KIAA1217: variants seen among roughly 807,000 people sequenced by gnomAD.
KIAA1217 encodes the protein KIAA1217, also known as sickle tail protein homolog.
KIAA1217 carries 88 observed loss-of-function variants against 163.9 expected under a neutral mutation model. That is an observed-to-expected ratio of 0.54 (90% CI 0.45 to 0.64). The LOEUF (loss-of-function observed/expected upper bound fraction) is 0.64, where lower values mean the gene tolerates loss of function less well. KIAA1217 is among the 30% of genes least tolerant of loss of function. The probability of loss-of-function intolerance (pLI) is 0.00; values close to 1 mark genes in which losing one functional copy is unlikely to be tolerated. For synonymous variants in KIAA1217, 903 were observed against 923.1 expected (o/e 0.98, Z 0.39); for missense variants, 2,372 against 2,475.0 (o/e 0.96, Z 0.88).
rs528842045 is a variant in KIAA1217 at position 24,105,877 on chromosome 10, G to C, written c.-171+98503G>C. 2.4e-3 allele frequency among the ~76,000 whole-genome samples: 368 copies of C among 152,302 alleles called. 1 individual carries two copies. Among genetic ancestry groups the C allele is most frequent in the Non-Finnish European group, 4.0e-3 (269 of 68,026 alleles). The stretch of plus-strand genomic sequence containing the variant: ...GAAACTTCCCCTGAGTGGAGCCTTG[G>C]GGGAGGAAAGTACTTGGGCTGTGCA... On this transcript the variant is annotated intron_variant, in intron 2 of 18. Transcript: ENST00000376462.
At chr10:24,511,987 A>C (rs1369378676) in intron 9 of KIAA1217, among the ~76,000 whole-genome samples, 1 of 152,186 alleles carries the variant, frequency 6.6e-6, no homozygotes, top group Non-Finnish European at 1.5e-5. Context: ...ACAGAGGTGA[A>C]TAGCTTGCCC....
intron 1 of KIAA1217, among the ~76,000 whole-genome samples, chr10:23,799,710 C>T (rs1319399915): frequency 1.3e-5 from 2 of 152,200 alleles, no homozygotes; most frequent in African/African-American, 4.8e-5. Flanking sequence ...CACTCTTGTA[C>T]ACAAGCCCAC....
chr10:23,811,796 CAG>C (rs908427332), intron 1 of KIAA1217, among the ~76,000 whole-genome samples: 2 of 152,106 alleles, frequency 1.3e-5, no homozygotes, highest in African/African-American at 4.8e-5. Context: ...TGAGCAGACT[CAG>C]GGGATTCTCA....
chr10:24,546,359 A>C lies in KIAA1217; in HGVS notation c.*35A>C. The C allele has an allele frequency of 6.5e-7, 1 of 1,535,590 alleles. No homozygotes were observed. Among genetic ancestry groups the C allele is most frequent in the Non-Finnish European group, 8.7e-7 (1 of 1,143,510 alleles). On this transcript the variant is annotated 3_prime_UTR_variant, in exon 21 of 21. Coordinates refer to ENST00000376454, the MANE Select transcript of KIAA1217 (RefSeq NM_019590.5). ...CCTATTAGGCACAAGTCGGAGTTAC[A>C]TTTAAAAAAAATTAACAGTCTACAA... is the stretch of plus-strand genomic sequence containing the variant.
chr10:24,337,177 C>A lies in KIAA1217; in HGVS notation c.355-43692C>A, dbSNP rs542666704. Among the ~76,000 whole-genome samples, 7 of 152,306 alleles carry A rather than the reference C, an allele frequency of 4.6e-5. No individual in the cohort carries two copies. In the South Asian group the frequency reaches 1.4e-3, roughly 32 times the overall value. On this transcript the variant is annotated intron_variant, in intron 2 of 20. Transcript: ENST00000376454. The stretch of plus-strand genomic sequence containing the variant: ...AATCGTACACCTGATAAGGGATTTA[C>A]ATTCAGAAGGTATTTTTAAACTCCT...
intron 2 of KIAA1217, among the ~76,000 whole-genome samples, chr10:24,153,843 C>G (rs943912899): frequency 6.6e-6 from 1 of 152,108 alleles, no homozygotes; most frequent in Non-Finnish European, 1.5e-5. Context: ...ATAATTCCCC[C>G]GGGCTTATGC....
chr10:23,988,359 A>G (rs1259576049), intron 1 of KIAA1217, among the ~76,000 whole-genome samples: 1 of 152,244 alleles, frequency 6.6e-6, no homozygotes, highest in Non-Finnish European at 1.5e-5. Context: ...AACTATAATT[A>G]TAACCAATAG....
intron 11 of KIAA1217, among the ~76,000 whole-genome samples, chr10:24,520,655 T>TAC (rs2071048816): frequency 1.2e-5 from 1 of 82,114 alleles, no homozygotes; most frequent in Non-Finnish European, 2.2e-5. Context: ...AAAAAAAATA[T>TAC]ATATATATAT....
chr10:24,290,892 G>C (rs147079103), intron 2 of KIAA1217, among the ~76,000 whole-genome samples: 1 of 152,018 alleles, frequency 6.6e-6, no homozygotes, highest in Non-Finnish European at 1.5e-5. Flanking sequence ...ATGATCCACC[G>C]TGCCTGGCCA....
intron 1 of KIAA1217, among the ~76,000 whole-genome samples, chr10:23,740,064 A>T (rs1023358164): frequency 1.4e-4 from 17 of 119,360 alleles, no homozygotes; most frequent in African/African-American, 7.7e-4. Flanking sequence ...TAAATTTGAG[A>T]TGCCTATGTA....
At chr10:23,822,472 A>G (rs1837666893) in intron 1 of KIAA1217, among the ~76,000 whole-genome samples, 1 of 152,312 alleles carries the variant, frequency 6.6e-6, no homozygotes, top group Non-Finnish European at 1.5e-5. Context: ...TGACTTGTGG[A>G]AAATTTGCAA....
intron 1 of KIAA1217, among the ~76,000 whole-genome samples, chr10:23,726,820 ACT>A (rs1464441207): frequency 1.3e-5 from 2 of 152,072 alleles, no homozygotes; most frequent in Non-Finnish European, 2.9e-5. Context: ...TTTCTTACTA[ACT>A]CTCTTAAATT....
intron 1 of KIAA1217, among the ~76,000 whole-genome samples, chr10:23,946,934 A>G (rs1490358089): frequency 1.3e-5 from 2 of 152,122 alleles, no homozygotes; most frequent in Non-Finnish European, 2.9e-5. Context: ...AGGTAATTGA[A>G]TCATGGGGGT....
At chr10:24,117,816 A>G (rs2063119481) in intron 2 of KIAA1217, among the ~76,000 whole-genome samples, 1 of 152,124 alleles carries the variant, frequency 6.6e-6, no homozygotes, top group Non-Finnish European at 1.5e-5. Context: ...TCTTCATCAC[A>G]TATTTTGAAA....
chr10:24,119,800 G>C (rs1417164943), intron 2 of KIAA1217, among the ~76,000 whole-genome samples: 2 of 152,164 alleles, frequency 1.3e-5, no homozygotes, highest in African/African-American at 4.8e-5. Context: ...TTTTGGGGAA[G>C]AGATGGCTGC....
chr10:24,405,525 C>T (rs1200070196), intron 3 of KIAA1217, among the ~76,000 whole-genome samples: 11 of 152,106 alleles, frequency 7.2e-5, no homozygotes, highest in Non-Finnish European at 1.3e-4. Flanking sequence ...AGAATGAAAG[C>T]ATCCTAAAAG....
At chr10:24,242,542 G>T (rs373976274) in intron 2 of KIAA1217, among the ~76,000 whole-genome samples, 5 of 151,950 alleles carry the variant, frequency 3.3e-5, no homozygotes, top group African/African-American at 1.2e-4. Context: ...ATAGCACGGT[G>T]ATGAACATAG....
At chr10:23,942,728 C>T (rs1843832412) in intron 1 of KIAA1217, among the ~76,000 whole-genome samples, 1 of 152,050 alleles carries the variant, frequency 6.6e-6, no homozygotes, top group Non-Finnish European at 1.5e-5. Flanking sequence ...ACATTATATA[C>T]AAGGTAACAA....
chr10:23,771,835 G>A (rs1400722465), intron 1 of KIAA1217, among the ~76,000 whole-genome samples: 2 of 152,292 alleles, frequency 1.3e-5, no homozygotes, highest in Non-Finnish European at 2.9e-5. Flanking sequence ...GTGCCCAGGG[G>A]GACAAGGATA....
Sources: gnomAD v4.1 joint callset for allele counts (sites outside exome capture counted in the v4.1 genomes callset) on GRCh38, gnomAD v4.1.1 for gene constraint, MANE v1.5 for transcripts, NCBI Gene and HGNC (gene_info 2026-07-23, HGNC 2026-07-21) for gene names.